The following KCNIP4 variants were observed in gnomAD, a reference collection of about 807,000 sequenced individuals.
KCNIP4 encodes the protein potassium voltage-gated channel interacting protein 4.
KCNIP4 carries 12 observed loss-of-function variants against 34.0 expected under a neutral mutation model. That is an observed-to-expected ratio of 0.35 (90% CI 0.23 to 0.57). The LOEUF (loss-of-function observed/expected upper bound fraction) is 0.57. KCNIP4 is among the 20% of genes least tolerant of loss of function. KCNIP4 has a pLI of 0.83. For missense variants in KCNIP4, 238 were observed against 311.7 expected, an observed-to-expected ratio of 0.76 and a Z score of 1.78; for synonymous variants, 124 against 102.2, an observed-to-expected ratio of 1.21 and a Z score of -1.29.
At chr4:20,786,426 C>T (rs1272048791) in intron 3 of KCNIP4, among the ~76,000 whole-genome samples, 1 of 152,150 alleles carries the variant, frequency 6.6e-6, no homozygotes, top group Non-Finnish European at 1.5e-5. Context: ...CAAACCTGCA[C>T]ATGTACCCCC....
chr4:21,901,186 C>T (rs1197704798), intron 1 of KCNIP4, among the ~76,000 whole-genome samples: 1 of 152,152 alleles, frequency 6.6e-6, no homozygotes, highest in Non-Finnish European at 1.5e-5. Context: ...ATAGTGTGCA[C>T]TTAACCTGTG....
chr4:21,073,914 G>A (rs1745219561), intron 1 of KCNIP4, among the ~76,000 whole-genome samples: 1 of 152,076 alleles, frequency 6.6e-6, no homozygotes, highest in Non-Finnish European at 1.5e-5. Flanking sequence ...TTTGTCTTTG[G>A]TTCTGTTTAT....
chr4:20,765,173 A>G (rs542262105), intron 3 of KCNIP4, among the ~76,000 whole-genome samples: 3 of 152,262 alleles, frequency 2.0e-5, no homozygotes, highest in African/African-American at 7.2e-5. Context: ...TTAAAATTCC[A>G]TTTCTTTTTT....
At chr4:21,802,885 T>C (rs762839495) in intron 1 of KCNIP4, among the ~76,000 whole-genome samples, 1 of 152,202 alleles carries the variant, frequency 6.6e-6, no homozygotes, top group African/African-American at 2.4e-5. Context: ...ATTCAACTGA[T>C]AGAGTCAGCT....
At chr4:21,697,685 A>T in intron 1 of KCNIP4, 1 of 1,255,362 alleles carries the variant, frequency 8.0e-7, no homozygotes, top group South Asian at 2.8e-5. Flanking sequence ...GTGGTGACCA[A>T]GTTCTTCTGT....
chr4:20,998,696 C>T (rs1163099824), intron 1 of KCNIP4, among the ~76,000 whole-genome samples: 2 of 152,194 alleles, frequency 1.3e-5, no homozygotes, highest in Non-Finnish European at 2.9e-5. Flanking sequence ...ACACTTGTCT[C>T]TTCATCAGTG....
chr4:20,820,236 G>A (rs1446199522), intron 3 of KCNIP4, among the ~76,000 whole-genome samples: 1 of 152,172 alleles, frequency 6.6e-6, no homozygotes, highest in Non-Finnish European at 1.5e-5. Flanking sequence ...TTCTGATGAG[G>A]CCTTAGATGG....
intron 1 of KCNIP4, among the ~76,000 whole-genome samples, chr4:20,945,301 G>A (rs1314929083): frequency 1.3e-5 from 2 of 152,124 alleles, no homozygotes; most frequent in Non-Finnish European, 2.9e-5. Flanking sequence ...TTTCCAGAGA[G>A]GGACACTGCC....
chr4:20,890,190 G>T (rs990602884), intron 1 of KCNIP4, among the ~76,000 whole-genome samples: 3 of 152,072 alleles, frequency 2.0e-5, no homozygotes, highest in African/African-American at 7.2e-5. Context: ...ATAATGCACC[G>T]AATGAGCCAG....
chr4:20,978,229 G>A (rs1423679640), intron 1 of KCNIP4, among the ~76,000 whole-genome samples: 1 of 152,094 alleles, frequency 6.6e-6, no homozygotes, highest in Non-Finnish European at 1.5e-5. Context: ...GGATTTTGAT[G>A]TGAAATATTA....
intron 1 of KCNIP4, among the ~76,000 whole-genome samples, chr4:21,174,417 G>T (rs2109304991): frequency 6.6e-6 from 1 of 152,272 alleles, no homozygotes; most frequent in South Asian, 2.1e-4. Flanking sequence ...TATGCAAAAT[G>T]AGAATAATTA....
intron 3 of KCNIP4, among the ~76,000 whole-genome samples, chr4:20,782,341 G>A (rs2149393533): frequency 6.6e-6 from 1 of 152,258 alleles, no homozygotes; most frequent in Admixed American, 6.5e-5. Flanking sequence ...TCCCAGTAGG[G>A]ACTCTGTGTA....
chr4:21,514,469 A>C (rs920524683), intron 1 of KCNIP4, among the ~76,000 whole-genome samples: 1 of 152,218 alleles, frequency 6.6e-6, no homozygotes, highest in Non-Finnish European at 1.5e-5. Flanking sequence ...AATAAAATAT[A>C]ACTGCTTCAA....
intron 1 of KCNIP4, among the ~76,000 whole-genome samples, chr4:20,951,303 T>G (rs2149640348): frequency 6.6e-6 from 1 of 152,322 alleles, no homozygotes; most frequent in African/African-American, 2.4e-5. Context: ...TTAAGCCACC[T>G]ATTCTGTCAT....
chr4:21,010,814 G>T (rs1738998843), intron 1 of KCNIP4, among the ~76,000 whole-genome samples: 1 of 152,088 alleles, frequency 6.6e-6, no homozygotes, highest in Non-Finnish European at 1.5e-5. Context: ...CTATTTTTTA[G>T]TTTAACCTTT....
At chr4:21,068,287 C>A (rs924037572) in intron 1 of KCNIP4, among the ~76,000 whole-genome samples, 2 of 152,182 alleles carry the variant, frequency 1.3e-5, no homozygotes, top group African/African-American at 4.8e-5. Context: ...GTCCTGCTTC[C>A]CCCATGAATC....
Position 21,655,873 on chromosome 4 carries a change from T to C in KCNIP4, c.61+292698A>G, listed in dbSNP as rs566574409. ...TATTGATTATTATGAATGGGATGGCTCTAAAATATCTTGGGCATCTCTCTG... is the reference window on the plus strand; with the variant it reads ...TATTGATTATTATGAATGGGATGGCCCTAAAATATCTTGGGCATCTCTCTG... On this transcript the variant is annotated intron_variant, in intron 1 of 8. Transcript: ENST00000382152. Among the ~76,000 whole-genome samples the C allele has an allele frequency of 9.8e-5, 15 of 152,326 alleles. No individual in the cohort carries two copies. The East Asian group carries it at 2.9e-3, about 29-fold the overall frequency.
chr4:21,385,103 T>C (rs547642959), intron 1 of KCNIP4, among the ~76,000 whole-genome samples: 1 of 152,278 alleles, frequency 6.6e-6, no homozygotes, highest in African/African-American at 2.4e-5. Context: ...GGGTAGAGGA[T>C]AGTACTGCCA....
At chr4:21,821,190 G>A (rs1722332083) in intron 1 of KCNIP4, among the ~76,000 whole-genome samples, 1 of 152,024 alleles carries the variant, frequency 6.6e-6, no homozygotes, top group South Asian at 2.1e-4. Flanking sequence ...AGATACCCCA[G>A]GTAGATAACC....
Sources: allele counts gnomAD v4.1 joint callset (sites outside exome capture counted in the v4.1 genomes callset), GRCh38; gene constraint gnomAD v4.1.1; transcripts MANE v1.5; gene names NCBI Gene and HGNC (gene_info 2026-07-23, HGNC 2026-07-21).